Variants in POC5 observed in about 807,000 individuals in gnomAD.
POC5 encodes POC5 centriolar protein.
Under a neutral mutation model 62.9 loss-of-function variants are expected in POC5, and 48 were observed. The observed-to-expected ratio is 0.76, with a 90% confidence interval of 0.61 to 0.97. The LOEUF is 0.97. Ranked by LOEUF, POC5 falls within the 50% of genes least tolerant of loss-of-function variation. The probability of loss-of-function intolerance (pLI) is 0.00; values close to 1 mark genes in which losing one functional copy is unlikely to be tolerated. For synonymous variants in POC5, 236 were observed against 228.2 expected, an observed-to-expected ratio of 1.03 and a Z score of -0.31; for missense variants, 696 against 679.5, an observed-to-expected ratio of 1.02 and a Z score of -0.27.
intron 3 of POC5, chr5:75,707,438 T>C (rs1013246863): frequency 9.2e-6 from 2 of 217,998 alleles, no homozygotes; most frequent in Non-Finnish European, 1.8e-5. Flanking sequence ...CATAAAACTG[T>C]TGGAACAAGT....
chr5:75,711,070 C>A (rs1298907188), intron 2 of POC5, among the ~76,000 whole-genome samples: 2 of 151,968 alleles, frequency 1.3e-5, no homozygotes, highest in Non-Finnish European at 2.9e-5. Context: ...ATTCCATGAC[C>A]ATATATTCCA....
At chr5:75,688,867 A>G in intron 9 of POC5, 145 bp downstream of exon 9, 1 of 811,502 alleles carries the variant, frequency 1.2e-6, no homozygotes, top group Non-Finnish European at 1.7e-6. Context: ...TTAAGTCTGG[A>G]TATGACACCA....
chr5:75,689,593 A>T, intron 8 of POC5: 1 of 984,364 alleles, frequency 1.0e-6, no homozygotes, highest in Non-Finnish European at 1.2e-6. Flanking sequence ...TACCTTCAGT[A>T]TTTGAAGTGC....
At chr5:75,688,639 A>AT (rs1776191986) in intron 9 of POC5, among the ~76,000 whole-genome samples, 1 of 152,240 alleles carries the variant, frequency 6.6e-6, no homozygotes, top group Admixed American at 6.5e-5. Flanking sequence ...AATACTTACC[A>AT]AAATAGTCCA....
At chr5:75,679,740 T>C (rs983784295) in intron 10 of POC5, among the ~76,000 whole-genome samples, 1 of 152,106 alleles carries the variant, frequency 6.6e-6, no homozygotes. Context: ...ATCTATAACA[T>C]ACAGGGAGGA....
At chr5:75,682,517 CTT>C (rs3041691) in intron 10 of POC5, among the ~76,000 whole-genome samples, 4 of 134,662 alleles carry the variant, frequency 3.0e-5, no homozygotes, top group Non-Finnish European at 1.6e-5. Flanking sequence ...TTATTTCTTT[CTT>C]TTTTTTTTTT....
intron 11 of POC5, 59 bp downstream of exon 11, chr5:75,677,715 A>C: frequency 7.3e-7 from 1 of 1,376,014 alleles, no homozygotes; most frequent in Non-Finnish European, 9.7e-7. Context: ...AGTGTTTACT[A>C]GTCTATGAAC....
intron 8 of POC5, 104 bp downstream of exon 8, chr5:75,690,279 C>T (rs1056537668): frequency 1.9e-6 from 2 of 1,071,950 alleles, no homozygotes; most frequent in African/African-American, 1.6e-5. Flanking sequence ...TTTTTGTCTG[C>T]ATTCTTGATT....
intron 1 of POC5, among the ~76,000 whole-genome samples, chr5:75,715,815 C>T (rs1742498176): frequency 6.6e-6 from 1 of 152,118 alleles, no homozygotes; most frequent in Non-Finnish European, 1.5e-5. Flanking sequence ...AAGCCAGAAC[C>T]ACTAACATCT....
chr5:75,702,321 A>G (rs1040998749), intron 5 of POC5, among the ~76,000 whole-genome samples: 2 of 152,134 alleles, frequency 1.3e-5, no homozygotes, highest in African/African-American at 4.8e-5. Context: ...CCAGAACTTA[A>G]AGTAAAATCA....
intron 5 of POC5, among the ~76,000 whole-genome samples, chr5:75,700,580 A>G (rs1194986228): frequency 2.0e-5 from 3 of 150,682 alleles, no homozygotes; most frequent in East Asian, 3.9e-4. Flanking sequence ...AAGATGGATT[A>G]AAGACTTAAA....
rs752695169 is a variant in POC5 at position 75,712,878 on chromosome 5, GCCT to G, written c.57_59del (p.Gly20del). On this transcript the variant is annotated inframe_deletion, in exon 2 of 12. Transcript: ENST00000428202. ...CCTGAAGATTCGAAGAGACAGAACT[GCCT>G]CGACTGGAGTCATTTTGCACAACTG... is the stretch of plus-strand genomic sequence containing the variant. 8.3e-4 allele frequency: 1,343 copies of G among 1,611,820 alleles called. 2 individuals are homozygous for G. The highest frequency in any genetic ancestry group is 1.1e-3 in the Non-Finnish European group (1,239 of 1,178,884).
At chr5:75,705,383 A>G (rs1777074771) in intron 4 of POC5, 1 of 175,052 alleles carries the variant, frequency 5.7e-6, no homozygotes, top group Non-Finnish European at 1.2e-5. Context: ...GAAAGTTGGG[A>G]AACAGTGCAT....
intron 8 of POC5, among the ~76,000 whole-genome samples, chr5:75,690,047 A>T (rs1386004992): frequency 2.6e-5 from 4 of 152,016 alleles, no homozygotes; most frequent in Non-Finnish European, 5.9e-5. Flanking sequence ...CACCATACCC[A>T]GCTAATTTTT....
intron 10 of POC5, among the ~76,000 whole-genome samples, chr5:75,684,101 T>C (rs1452200353): frequency 6.6e-6 from 1 of 152,176 alleles, no homozygotes; most frequent in Non-Finnish European, 1.5e-5. Flanking sequence ...ACTTCTCTAA[T>C]AGCAGCTCAC....
chr5:75,712,133 A>C (rs536624170), intron 2 of POC5: 1 of 200,276 alleles, frequency 5.0e-6, no homozygotes, highest in Non-Finnish European at 8.9e-6. Context: ...TTGTTTCATA[A>C]AATATTTTCC....
chr5:75,674,336 C>T lies in POC5; in HGVS notation c.*99G>A. On this transcript the variant is annotated 3_prime_UTR_variant, in exon 12 of 12. Coordinates refer to ENST00000428202, the MANE Select transcript of POC5 (RefSeq NM_001099271.2). The stretch of plus-strand genomic sequence containing the variant: ...TTTTGAACAGATGAACATGATGTCT[C>T]CATGATGTTCTAACAATATGGAAAA... 18 of 1,267,028 alleles carry T rather than the reference C, an allele frequency of 1.4e-5. No homozygotes were observed. The highest frequency in any genetic ancestry group is 1.9e-5 in the Non-Finnish European group (17 of 914,966). 78.5% of individuals were successfully genotyped at this position (1,267,028 alleles called of 1,614,324 possible). A position where few individuals can be genotyped will look rare whatever the true frequency, so the allele number is the denominator to read the frequency against.
At position 75,703,930 on chromosome 5, in the gene POC5, C is replaced by T. The variant is rs148472119; in HGVS notation, c.308-1120G>A. On this transcript the variant is annotated intron_variant, in intron 4 of 11. Transcript: ENST00000428202. Reference sequence around the variant, plus strand: ...CCGCACTTTGGGAGGCTGAAGTGGGCGAATCATGAGGTCAGGAGTTCAAGA... The same window carrying T: ...CCGCACTTTGGGAGGCTGAAGTGGGTGAATCATGAGGTCAGGAGTTCAAGA... Among the ~76,000 whole-genome samples the T allele has an allele frequency of 2.5e-3, 373 of 151,766 alleles. 2 individuals are homozygous for T. In the East Asian group the frequency reaches 0.03, roughly 12 times the overall value.
At position 75,699,641 on chromosome 5, in the gene POC5, C is replaced by T. The variant is rs1449675457; in HGVS notation, c.513+2964G>A. Among the ~76,000 whole-genome samples the T allele has an allele frequency of 3.6e-5, 5 of 138,600 alleles. 1 individual carries two copies. The highest frequency in any genetic ancestry group is 3.2e-5 in the Non-Finnish European group (2 of 61,974). 90.9% of individuals were successfully genotyped at this position (138,600 alleles called of 152,430 possible). A position where few individuals can be genotyped will look rare whatever the true frequency, so the allele number is the denominator to read the frequency against. On this transcript the variant is annotated intron_variant, in intron 5 of 11. Coordinates refer to ENST00000428202, the MANE Select transcript of POC5 (RefSeq NM_001099271.2). ...GAATGGGCAAAAACTGGAAGCATTC[C>T]CTTTGAAAACTGGTACAAGACAGGG...
Sources: gnomAD v4.1 joint callset for allele counts (sites outside exome capture counted in the v4.1 genomes callset) on GRCh38, gnomAD v4.1.1 for gene constraint, MANE v1.5 for transcripts, NCBI Gene and HGNC (gene_info 2026-07-23, HGNC 2026-07-21) for gene names.